HMGB1: variants seen among roughly 807,000 people sequenced by gnomAD.
HMGB1 encodes high mobility group box 1, also known as high mobility group protein B1.
For synonymous variants in HMGB1, 81 were observed against 84.0 expected (o/e 0.96, Z 0.19); for missense variants, 79 against 253.5 (o/e 0.31, Z 4.67).
intron 1 of HMGB1, among the ~76,000 whole-genome samples, chr13:30,605,769 T>G (rs1260018011): frequency 6.6e-6 from 1 of 152,184 alleles, no homozygotes; most frequent in East Asian, 1.9e-4. Flanking sequence ...TCATTTTACA[T>G]ATGCAAACAT....
chr13:30,522,041 A>G (rs1461558668), intron 1 of HMGB1, among the ~76,000 whole-genome samples: 2 of 152,184 alleles, frequency 1.3e-5, no homozygotes, highest in Admixed American at 6.6e-5. Context: ...AACAAACATT[A>G]AGAGTAATTC....
intron 1 of HMGB1, among the ~76,000 whole-genome samples, chr13:30,583,528 C>CAAAAAAAAA (rs35519297): frequency 1.5e-5 from 1 of 66,964 alleles, no homozygotes. Context: ...ACCTGGTCTC[C>CAAAAAAAAA]AAAAAAAAAA....
At chr13:30,568,093 T>C (rs572683192) in intron 1 of HMGB1, among the ~76,000 whole-genome samples, 1 of 152,294 alleles carries the variant, frequency 6.6e-6, no homozygotes, top group East Asian at 1.9e-4. Flanking sequence ...TACCAGCTCA[T>C]CCTCCCATTT....
chr13:30,471,528 T>A (rs1163384915), intron 1 of HMGB1, among the ~76,000 whole-genome samples: 1 of 150,776 alleles, frequency 6.6e-6, no homozygotes, highest in Non-Finnish European at 1.5e-5. Context: ...TTTTTTTTTG[T>A]ATTTTTAGTA....
chr13:30,611,124 T>C (rs1950508924), intron 1 of HMGB1, among the ~76,000 whole-genome samples: 2 of 152,032 alleles, frequency 1.3e-5, no homozygotes, highest in Admixed American at 1.3e-4. Flanking sequence ...GCTGGAGTCA[T>C]TTTATTTTTA....
chr13:30,484,809 A>G (rs906635066), intron 1 of HMGB1, among the ~76,000 whole-genome samples: 4 of 152,008 alleles, frequency 2.6e-5, no homozygotes, highest in Non-Finnish European at 5.9e-5. Flanking sequence ...AGGGAAGAAA[A>G]GAGAAGGGAA....
intron 1 of HMGB1, among the ~76,000 whole-genome samples, chr13:30,558,617 T>C (rs920113772): frequency 2.6e-5 from 4 of 152,224 alleles, no homozygotes; most frequent in African/African-American, 9.6e-5. Context: ...AAACACCAAG[T>C]CTGTCTCTAA....
At chr13:30,478,708 C>G (rs773564194) in intron 1 of HMGB1, among the ~76,000 whole-genome samples, 2 of 151,940 alleles carry the variant, frequency 1.3e-5, no homozygotes, top group East Asian at 3.9e-4. Flanking sequence ...GCTCTGTTGC[C>G]CAGGCTGGAG....
At chr13:30,611,561 C>A (rs1178938524) in intron 1 of HMGB1, among the ~76,000 whole-genome samples, 3 of 152,238 alleles carry the variant, frequency 2.0e-5, no homozygotes, top group Non-Finnish European at 4.4e-5. Flanking sequence ...TTGTGAGGGT[C>A]TTCCTATAAT....
At chr13:30,542,742 C>A in intron 1 of HMGB1, 1 of 219,958 alleles carries the variant, frequency 4.5e-6, no homozygotes, top group African/African-American at 2.3e-5. Context: ...GAGGACTCCA[C>A]AGGGGCACAG....
chr13:30,488,747 G>C (rs548842713), intron 1 of HMGB1, among the ~76,000 whole-genome samples: 2 of 150,534 alleles, frequency 1.3e-5, no homozygotes, highest in East Asian at 3.9e-4. Flanking sequence ...TTGAACTCCT[G>C]GGCTCAAGAG....
chr13:30,519,147 C>T (rs1231655166), intron 1 of HMGB1, among the ~76,000 whole-genome samples: 1 of 151,982 alleles, frequency 6.6e-6, no homozygotes, highest in South Asian at 2.1e-4. Context: ...AATCCCTGCA[C>T]TTTGGGAGGC....
At chr13:30,596,296 A>C (rs962348957) in intron 1 of HMGB1, among the ~76,000 whole-genome samples, 3 of 152,220 alleles carry the variant, frequency 2.0e-5, no homozygotes, top group African/African-American at 7.2e-5. Flanking sequence ...ATCACATACT[A>C]GGGCCCTACA....
intron 1 of HMGB1, among the ~76,000 whole-genome samples, chr13:30,550,373 C>T (rs1417949969): frequency 6.6e-6 from 1 of 152,098 alleles, no homozygotes; most frequent in Non-Finnish European, 1.5e-5. Context: ...GGAAAGCAGA[C>T]AACGAGAAGC....
At chr13:30,533,660 C>T (rs999110117) in intron 1 of HMGB1, among the ~76,000 whole-genome samples, 14 of 151,984 alleles carry the variant, frequency 9.2e-5, no homozygotes, top group African/African-American at 3.1e-4. Context: ...CCACTGTGCC[C>T]GGCCCAAATT....
intron 1 of HMGB1, among the ~76,000 whole-genome samples, chr13:30,538,840 C>T (rs1047514543): frequency 4.9e-5 from 6 of 122,390 alleles, no homozygotes; most frequent in African/African-American, 9.4e-5. Flanking sequence ...TTCTTTTTTT[C>T]GAAGATGATA....
intron 1 of HMGB1, chr13:30,464,426 T>C: frequency 3.0e-6 from 3 of 985,288 alleles, no homozygotes; most frequent in Non-Finnish European, 1.2e-6. Flanking sequence ...ACTCGGGAAG[T>C]ATTTTTTGGA....
At chr13:30,568,737 G>A (rs564724017) in intron 1 of HMGB1, among the ~76,000 whole-genome samples, 1 of 152,262 alleles carries the variant, frequency 6.6e-6, no homozygotes, top group African/African-American at 2.4e-5. Flanking sequence ...CAGGAGAGAT[G>A]CATGGGATGA....
At chr13:30,594,254 C>T (rs1474118245) in intron 1 of HMGB1, among the ~76,000 whole-genome samples, 2 of 152,130 alleles carry the variant, frequency 1.3e-5, no homozygotes, top group Admixed American at 6.5e-5. Flanking sequence ...CGGGGATACA[C>T]GTGCAGTTAT....
Sources: allele counts gnomAD v4.1 joint callset (sites outside exome capture counted in the v4.1 genomes callset), GRCh38; gene constraint gnomAD v4.1.1; transcripts MANE v1.5; gene names NCBI Gene and HGNC (gene_info 2026-07-23, HGNC 2026-07-21).